The following CHD9 variants were observed in gnomAD, a reference collection of about 807,000 sequenced individuals.
The protein encoded by CHD9 is ATP-dependent chromatin remodeler CHD9.
CHD9 carries 77 observed loss-of-function variants against 316.1 expected under a neutral mutation model. The ratio of observed to expected loss-of-function variants is 0.24; its 90% CI spans 0.20 to 0.29. The LOEUF (loss-of-function observed/expected upper bound fraction) is 0.29. CHD9 is among the 10% of genes least tolerant of loss of function. The pLI, the probability that CHD9 is intolerant of heterozygous loss-of-function variation, is 1.00. For synonymous variants in CHD9, 1,129 were observed against 1,158.3 expected (o/e 0.97, Z 0.51); for missense variants, 2,763 against 3,438.1 (o/e 0.80, Z 4.91).
intron 1 of CHD9, among the ~76,000 whole-genome samples, chr16:53,127,921 C>T (rs1171589032): frequency 4.0e-5 from 5 of 126,000 alleles, no homozygotes; most frequent in Admixed American, 9.9e-5. Flanking sequence ...CCAGCCTGGC[C>T]GACAGAGTGA....
intron 2 of CHD9, among the ~76,000 whole-genome samples, chr16:53,200,602 A>G (rs2045372238): frequency 6.6e-6 from 1 of 152,216 alleles, no homozygotes. Context: ...GGAAGGAATT[A>G]TGGAAATAGA....
chr16:53,179,536 A>G (rs2043333200), intron 2 of CHD9, among the ~76,000 whole-genome samples: 1 of 152,290 alleles, frequency 6.6e-6, no homozygotes, highest in Non-Finnish European at 1.5e-5. Flanking sequence ...TTTGCAGTTT[A>G]TTTTTTGAAG....
intron 8 of CHD9, among the ~76,000 whole-genome samples, chr16:53,231,136 G>C (rs1454166566): frequency 2.6e-5 from 4 of 152,158 alleles, no homozygotes; most frequent in Non-Finnish European, 2.9e-5. Context: ...TGCAACCTGA[G>C]GAAAAGCGTA....
chr16:53,305,609 C>T (rs1400564777), intron 31 of CHD9, among the ~76,000 whole-genome samples: 1 of 152,144 alleles, frequency 6.6e-6, no homozygotes, highest in African/African-American at 2.4e-5. Context: ...GAGTCTTAAG[C>T]TAATGAGAAT....
At chr16:53,056,352 T>C (rs758483964) in intron 1 of CHD9, among the ~76,000 whole-genome samples, 3 of 152,216 alleles carry the variant, frequency 2.0e-5, no homozygotes, top group Non-Finnish European at 4.4e-5. Flanking sequence ...TTGGGAATTA[T>C]TCACAATAAA....
At chr16:53,280,983 ACTC>A (rs1419098105) in intron 24 of CHD9, among the ~76,000 whole-genome samples, 3 of 150,768 alleles carry the variant, frequency 2.0e-5, no homozygotes, top group Non-Finnish European at 1.5e-5. Context: ...TTTTCTCACT[ACTC>A]TTTCCTTTTC....
intron 2 of CHD9, among the ~76,000 whole-genome samples, chr16:53,185,486 A>G (rs752550147): frequency 6.6e-6 from 1 of 152,178 alleles, no homozygotes; most frequent in Non-Finnish European, 1.5e-5. Flanking sequence ...AAAATTTTGG[A>G]AAGTTTGCAG....
At chr16:53,064,064 C>A (rs542349108) in intron 1 of CHD9, among the ~76,000 whole-genome samples, 10 of 151,544 alleles carry the variant, frequency 6.6e-5, no homozygotes, top group Admixed American at 3.3e-4. Flanking sequence ...AAACTCCTGG[C>A]CTCAAATGAT....
At chr16:53,315,435 T>A (rs1421863319) in intron 36 of CHD9, among the ~76,000 whole-genome samples, 1 of 152,214 alleles carries the variant, frequency 6.6e-6, no homozygotes, top group Admixed American at 6.5e-5. Context: ...ACCACATGCA[T>A]TACCTCATTT....
chr16:53,275,681 A>G lies in CHD9; in HGVS notation c.4967+1379A>G, dbSNP rs1344083740. Among the ~76,000 whole-genome samples the G allele has an allele frequency of 2.0e-5, 3 of 152,130 alleles. No homozygotes were observed. In the South Asian group the frequency reaches 6.2e-4, roughly 32 times the overall value. On this transcript the variant is annotated intron_variant, in intron 24 of 38. Coordinates refer to ENST00000447540, the MANE Select transcript of CHD9 (RefSeq NM_001308319.2). ...CTCAACCCCCCATTCTCAGCAAATGATATTCCCCCACCTTTGTAGAGAAAT... is the reference window on the plus strand; with the variant it reads ...CTCAACCCCCCATTCTCAGCAAATGGTATTCCCCCACCTTTGTAGAGAAAT...
At chr16:53,299,806 T>G (rs568341386) in intron 30 of CHD9, 251 of 164,036 alleles carry the variant, frequency 1.5e-3, no homozygotes, top group Non-Finnish European at 4.8e-4. Flanking sequence ...GGTCCTGGGC[T>G]TCCCATTCCA....
Position 53,235,848 on chromosome 16 carries a change from A to G in CHD9, c.2633+542A>G, listed in dbSNP as rs1000134967. On this transcript the variant is annotated intron_variant, in intron 11 of 38. Transcript: ENST00000447540. ...TTACATTCTTTTTTGACATGAAAAG[A>G]TAATTGCAAAAGAAGTAAAAAAATG... Among the ~76,000 whole-genome samples the G allele has an allele frequency of 6.6e-5, 10 of 152,232 alleles. 1 individual carries two copies. Among genetic ancestry groups the G allele is most frequent in the Non-Finnish European group, 1.5e-5 (1 of 68,028 alleles).
rs1243825557 is a variant in CHD9 at position 53,326,504 on chromosome 16, T to C, written c.*1609T>C. Reference sequence around the variant, plus strand: ...TTCTGTATGTAAAATAACCCCTTATTAGAGAGACAGTGTTATATGTATTTA... The same window carrying C: ...TTCTGTATGTAAAATAACCCCTTATCAGAGAGACAGTGTTATATGTATTTA... On this transcript the variant is annotated 3_prime_UTR_variant, in exon 39 of 39. Coordinates refer to ENST00000447540, the MANE Select transcript of CHD9 (RefSeq NM_001308319.2). The C allele has an allele frequency of 6.6e-6, 1 of 152,462 alleles. No homozygotes were observed. The highest frequency in any genetic ancestry group is 1.5e-5 in the Non-Finnish European group (1 of 67,902). The allele number at this position is 152,462 out of a possible 1,614,324, so 9.4% of individuals were successfully genotyped here.
At chr16:53,233,361 G>A (rs1186976436) in intron 10 of CHD9, among the ~76,000 whole-genome samples, 2 of 152,188 alleles carry the variant, frequency 1.3e-5, no homozygotes, top group African/African-American at 2.4e-5. Context: ...GACATAGGGC[G>A]AGGTCTGAGT....
At chr16:53,314,272 G>A (rs554715024) in intron 34 of CHD9, 105 bp from the exon 35 acceptor site, 4 of 735,290 alleles carry the variant, frequency 5.4e-6, no homozygotes, top group South Asian at 3.0e-5. Flanking sequence ...CATTAAAGAT[G>A]TATAAAATAA....
chr16:53,103,918 G>A (rs2037101983), intron 1 of CHD9, among the ~76,000 whole-genome samples: 1 of 152,166 alleles, frequency 6.6e-6, no homozygotes. Flanking sequence ...GAAAAGGGCT[G>A]AGGTACCTTC....
chr16:53,212,808 A>G (rs77135367), intron 3 of CHD9, among the ~76,000 whole-genome samples: 5,102 of 152,214 alleles, frequency 0.034, 299 homozygotes, highest in African/African-American at 0.12. Flanking sequence ...TAACATCCTC[A>G]TGCTTTAGGT....
At chr16:53,267,235 A>T in intron 20 of CHD9, 59 bp from the exon 21 acceptor site, 1 of 1,165,506 alleles carries the variant, frequency 8.6e-7, no homozygotes, top group Non-Finnish European at 1.2e-6. Flanking sequence ...AAAATGTAGA[A>T]CACTGTTGTA....
intron 26 of CHD9, among the ~76,000 whole-genome samples, chr16:53,287,727 CAAAAA>C (rs1003335005): frequency 7.2e-5 from 11 of 151,730 alleles, no homozygotes; most frequent in African/African-American, 2.7e-4. Flanking sequence ...AACTCCGTCT[CAAAAA>C]AAATAAAAAT....
Sources: allele counts gnomAD v4.1 joint callset (sites outside exome capture counted in the v4.1 genomes callset), GRCh38; gene constraint gnomAD v4.1.1; transcripts MANE v1.5; gene names NCBI Gene and HGNC (gene_info 2026-07-23, HGNC 2026-07-21).